FOCAD: variants seen among roughly 807,000 people sequenced by gnomAD.
The protein encoded by FOCAD is focadhesin.
A neutral mutation model predicts 225.6 loss-of-function variants in FOCAD; 198 were observed. That is an observed-to-expected ratio of 0.88 (90% confidence interval 0.78 to 0.99). The LOEUF (loss-of-function observed/expected upper bound fraction) is 0.99, where lower values mean the gene tolerates loss of function less well. Among genes scored for constraint, FOCAD ranks in the 50% least tolerant of loss-of-function variants. The pLI, the probability that FOCAD is intolerant of heterozygous loss-of-function variation, is 0.00. For synonymous variants in FOCAD, 897 were observed against 755.0 expected (o/e 1.19, Z -3.08); for missense variants, 2,713 against 2,123.6 (o/e 1.28, Z -5.46).
intron 2 of FOCAD, among the ~76,000 whole-genome samples, chr9:20,672,517 C>G (rs1822095722): frequency 6.6e-6 from 1 of 152,230 alleles, no homozygotes; most frequent in African/African-American, 2.4e-5. Flanking sequence ...GTGGCGCAAT[C>G]TAGGCTCACT....
intron 4 of FOCAD, among the ~76,000 whole-genome samples, chr9:20,728,573 G>A (rs1826405248): frequency 6.6e-6 from 1 of 152,116 alleles, no homozygotes; most frequent in Admixed American, 6.6e-5. Flanking sequence ...GGTGGGTCTT[G>A]GCTCTTATGC....
In FOCAD at chr9:20,789,385, T is replaced by C. The variant is rs375010349; in HGVS notation, c.1232T>C (p.Met411Thr). The stretch of plus-strand genomic sequence containing the variant: ...AAGCTTGTGTGCCCTGTAACCAGTA[T>C]GTATGGTACAATATTTACAGCCTGG... ...SYKLVCPVTS[M>T]YGTIFTAWRI... The change falls in exon 11 of 44, where the codon ATG becomes ACG. Residue 411 changes from methionine to threonine, a missense_variant. Physicochemically the swap from Met to Thr is moderately conservative, Grantham distance 81. Transcript: ENST00000338382. The C allele has an allele frequency of 9.3e-6, 15 of 1,613,938 alleles. No individual in the cohort carries two copies. The African/African-American group carries it at 9.3e-5, about 10-fold the overall frequency.
At chr9:20,972,335 A>C (rs1355485158) in intron 35 of FOCAD, among the ~76,000 whole-genome samples, 4 of 152,070 alleles carry the variant, frequency 2.6e-5, no homozygotes, top group Non-Finnish European at 4.4e-5. Context: ...AATAGGTTCT[A>C]ATAGGTATAG....
intron 41 of FOCAD, among the ~76,000 whole-genome samples, chr9:20,989,531 T>A (rs1275413759): frequency 1.3e-5 from 2 of 152,134 alleles, no homozygotes; most frequent in African/African-American, 4.8e-5. Flanking sequence ...TTAAAATGCA[T>A]GAAGAAGCTG....
intron 6 of FOCAD, among the ~76,000 whole-genome samples, 173 bp downstream of exon 6, chr9:20,758,364 T>A (rs942073491): frequency 3.9e-5 from 6 of 152,056 alleles, no homozygotes; most frequent in Admixed American, 3.3e-4. Flanking sequence ...CTTTTTAAAT[T>A]TAATTTTATT....
intron 11 of FOCAD, among the ~76,000 whole-genome samples, chr9:20,813,439 C>T (rs1467789385): frequency 6.6e-6 from 1 of 152,018 alleles, no homozygotes; most frequent in Admixed American, 6.6e-5. Context: ...ATGCTGTTAC[C>T]CATAGTGGCC....
chr9:20,984,481 G>A (rs953337471), intron 39 of FOCAD, among the ~76,000 whole-genome samples: 9 of 152,054 alleles, frequency 5.9e-5, no homozygotes, highest in African/African-American at 9.7e-5. Context: ...TTACTTAAAA[G>A]CAATAATAAG....
intron 10 of FOCAD, among the ~76,000 whole-genome samples, chr9:20,788,549 A>G (rs772117600): frequency 3.3e-5 from 5 of 152,208 alleles, no homozygotes; most frequent in Non-Finnish European, 7.3e-5. Flanking sequence ...CCTAATTCAT[A>G]TAAGTCAGCC....
intron 35 of FOCAD, among the ~76,000 whole-genome samples, chr9:20,962,045 C>G (rs910694113): frequency 6.6e-6 from 1 of 152,104 alleles, no homozygotes; most frequent in Non-Finnish European, 1.5e-5. Context: ...CTGTAATTCT[C>G]TCTGCCTGTG....
At chr9:20,890,487 A>G (rs1831520262) in intron 21 of FOCAD, among the ~76,000 whole-genome samples, 1 of 151,002 alleles carries the variant, frequency 6.6e-6, no homozygotes, top group Non-Finnish European at 1.5e-5. Flanking sequence ...ATTTTGATTG[A>G]TTTTCTAATG....
intron 15 of FOCAD, among the ~76,000 whole-genome samples, chr9:20,849,060 G>A (rs939628515): frequency 1.3e-5 from 2 of 151,902 alleles, no homozygotes; most frequent in South Asian, 4.1e-4. Flanking sequence ...AACAGAAGGT[G>A]CTTTGTTTTT....
At chr9:20,809,534 C>T (rs1183376591) in intron 11 of FOCAD, among the ~76,000 whole-genome samples, 1 of 152,124 alleles carries the variant, frequency 6.6e-6, no homozygotes, top group Non-Finnish European at 1.5e-5. Context: ...GAATCTCTCT[C>T]TTCTTCTGAA....
chr9:20,810,482 A>G (rs1415347384), intron 11 of FOCAD, among the ~76,000 whole-genome samples: 1 of 152,128 alleles, frequency 6.6e-6, no homozygotes, highest in African/African-American at 2.4e-5. Flanking sequence ...ACTGCCAAAG[A>G]TTTAGAGCTC....
intron 15 of FOCAD, among the ~76,000 whole-genome samples, chr9:20,823,362 C>T (rs965616825): frequency 6.6e-6 from 1 of 151,976 alleles, no homozygotes; most frequent in African/African-American, 2.4e-5. Flanking sequence ...TTTCTTTCTT[C>T]TTATTTATTT....
At chr9:20,809,959 G>A (rs1822875660) in intron 11 of FOCAD, among the ~76,000 whole-genome samples, 1 of 152,156 alleles carries the variant, frequency 6.6e-6, no homozygotes, top group South Asian at 2.1e-4. Flanking sequence ...AAAGCAAAAT[G>A]TGGAATGATC....
chr9:20,858,616 TTTC>T (rs1359401871), intron 15 of FOCAD, among the ~76,000 whole-genome samples: 1 of 152,108 alleles, frequency 6.6e-6, no homozygotes, highest in East Asian at 1.9e-4. Context: ...CTGATCTTTA[TTTC>T]TTTTGTTCTA....
At chr9:20,815,137 G>GTTTTTTTTTTTTT (rs71334555) in intron 11 of FOCAD, among the ~76,000 whole-genome samples, 3 of 69,116 alleles carry the variant, frequency 4.3e-5, no homozygotes, top group African/African-American at 1.2e-4. Flanking sequence ...TTTTTTTTTT[G>GTTTTTTTTTTTTT]TTTTTTTTTT....
rs760348078 is a variant in FOCAD, at chr9:20,982,430, T to C, written c.4712T>C (p.Ile1571Thr). ...LEMTDDDANRIAQVTKSNIEK... is the reference protein window; with the variant it reads ...LEMTDDDANRTAQVTKSNIEK... ...ATGACAGATGATGATGCCAATCGGA[T>C]CGCCCAGGTTACTAAGGTAATAACA... Residue 1571 changes from isoleucine to threonine, a missense_variant, in exon 39 of 44, where the codon ATC becomes ACC. By Grantham distance (89) the Ile-to-Thr change is moderately conservative. Coordinates refer to ENST00000338382, the MANE Select transcript of FOCAD (RefSeq NM_001375567.1). The C allele has an allele frequency of 7.4e-6, 12 of 1,613,466 alleles. No homozygotes were observed. Among genetic ancestry groups the C allele is most frequent in the Non-Finnish European group, 1.0e-5 (12 of 1,179,592 alleles).
chr9:20,902,162 A>G (rs1377191428), intron 21 of FOCAD, among the ~76,000 whole-genome samples: 1 of 151,924 alleles, frequency 6.6e-6, no homozygotes. Context: ...GGATTCCAGC[A>G]TGAATAGAAC....
Sources: allele counts gnomAD v4.1 joint callset (sites outside exome capture counted in the v4.1 genomes callset), GRCh38; gene constraint gnomAD v4.1.1; transcripts MANE v1.5; gene names NCBI Gene and HGNC (gene_info 2026-07-23, HGNC 2026-07-21).